The following PAX5 variants were observed in gnomAD, a reference collection of about 807,000 sequenced individuals.
The protein encoded by PAX5 is paired box protein Pax-5.
In PAX5, 9 loss-of-function variants were observed where a neutral mutation model predicts 43.7. That is an observed-to-expected ratio of 0.21 (90% CI 0.12 to 0.36). The LOEUF (loss-of-function observed/expected upper bound fraction) is 0.36. Ranked by LOEUF, PAX5 falls within the 10% of genes least tolerant of loss-of-function variation. PAX5 has a pLI of 1.00. For missense variants in PAX5, 383 were observed against 532.7 expected (o/e 0.72, Z 2.77); for synonymous variants, 228 against 214.3 (o/e 1.06, Z -0.56).
chr9:36,889,756 T>C (rs1018217686), intron 7 of PAX5, among the ~76,000 whole-genome samples: 1 of 152,360 alleles, frequency 6.6e-6, no homozygotes, highest in South Asian at 2.1e-4. Context: ...AAATTAATCA[T>C]ATGACATTGG....
Position 36,864,836 on chromosome 9 carries a change from G to A in PAX5, c.1012+17168C>T, listed in dbSNP as rs146287141. The stretch of plus-strand genomic sequence containing the variant: ...GAGTGAGGAGGGTGGGCCGGCGCCG[G>A]AGCCGGGCTGTCAGGGCCTTCACAG... On this transcript the variant is annotated intron_variant, in intron 8 of 9. Coordinates refer to ENST00000358127, the MANE Select transcript of PAX5 (RefSeq NM_016734.3). Among the ~76,000 whole-genome samples, 361 of 152,314 alleles carry A rather than the reference G, an allele frequency of 2.4e-3. 1 individual carries two copies. Among genetic ancestry groups the A allele is most frequent in the Non-Finnish European group, 4.3e-3 (290 of 68,024 alleles).
chr9:36,858,548 C>A (rs1265885079), intron 8 of PAX5, among the ~76,000 whole-genome samples: 1 of 152,156 alleles, frequency 6.6e-6, no homozygotes, highest in Non-Finnish European at 1.5e-5. Context: ...ATTATGAATC[C>A]AATCCCATAC....
chr9:36,864,090 C>T (rs1824547735), intron 8 of PAX5, among the ~76,000 whole-genome samples: 1 of 152,222 alleles, frequency 6.6e-6, no homozygotes, highest in South Asian at 2.1e-4. Flanking sequence ...GCCTGGGCAT[C>T]AGAGCGAGAC....
At chr9:36,997,000 G>A (rs1289480355) in intron 5 of PAX5, among the ~76,000 whole-genome samples, 1 of 152,118 alleles carries the variant, frequency 6.6e-6, no homozygotes, top group Non-Finnish European at 1.5e-5. Context: ...TCAATAAACA[G>A]GAAATAAAGC....
At chr9:36,879,778 G>T (rs538177917) in intron 8 of PAX5, among the ~76,000 whole-genome samples, 1 of 152,210 alleles carries the variant, frequency 6.6e-6, no homozygotes, top group East Asian at 1.9e-4. Flanking sequence ...TAAATGCGAC[G>T]GGCCATCCAT....
intron 5 of PAX5, among the ~76,000 whole-genome samples, chr9:36,973,957 G>C (rs1196097623): frequency 6.6e-6 from 1 of 152,274 alleles, no homozygotes; most frequent in Non-Finnish European, 1.5e-5. Context: ...CCAAGATCAT[G>C]CCATTGCACT....
chr9:36,954,720 A>G (rs1833309097), intron 6 of PAX5, among the ~76,000 whole-genome samples: 1 of 152,124 alleles, frequency 6.6e-6, no homozygotes, highest in African/African-American at 2.4e-5. Flanking sequence ...GGGATTTAGT[A>G]TGCTTCTTCA....
At chr9:36,963,065 T>C (rs1467045572) in intron 6 of PAX5, among the ~76,000 whole-genome samples, 2 of 152,178 alleles carry the variant, frequency 1.3e-5, no homozygotes, top group Non-Finnish European at 2.9e-5. Context: ...GGCACGAGGG[T>C]ATGTCATTCA....
intron 8 of PAX5, among the ~76,000 whole-genome samples, chr9:36,871,638 A>G (rs1239156777): frequency 6.6e-6 from 1 of 152,242 alleles, no homozygotes; most frequent in Non-Finnish European, 1.5e-5. Context: ...GTAGAAGGAC[A>G]TCAGGAAGAA....
At chr9:36,852,484 C>T (rs960910944) in intron 8 of PAX5, among the ~76,000 whole-genome samples, 3 of 152,146 alleles carry the variant, frequency 2.0e-5, no homozygotes, top group Non-Finnish European at 4.4e-5. Flanking sequence ...TGGAAGGTAG[C>T]CTTCGGAGGA....
chr9:37,004,024 T>A (rs991412440), intron 4 of PAX5, among the ~76,000 whole-genome samples: 2 of 152,236 alleles, frequency 1.3e-5, no homozygotes, highest in African/African-American at 4.8e-5. Context: ...TCCCCATTTA[T>A]CAAATAAGGA....
intron 8 of PAX5, among the ~76,000 whole-genome samples, chr9:36,854,664 A>C (rs1404938216): frequency 6.6e-6 from 1 of 152,002 alleles, no homozygotes; most frequent in East Asian, 1.9e-4. Context: ...TCCTCTCTCC[A>C]CAGCAAGACC....
At position 36,964,970 on chromosome 9, in the gene PAX5, C is replaced by T. The variant is rs374785133; in HGVS notation, c.780+1579G>A. Among the ~76,000 whole-genome samples, 12 of 152,302 alleles carry T rather than the reference C, an allele frequency of 7.9e-5. No homozygotes were observed. In the East Asian group the frequency reaches 1.7e-3, roughly 22 times the overall value. Reference sequence around the variant, plus strand: ...CATCCCTGAGCCACAACCACACCGGCTCTCTCCATTCCTCGTTCCTGCCGC... The same window carrying T: ...CATCCCTGAGCCACAACCACACCGGTTCTCTCCATTCCTCGTTCCTGCCGC... On this transcript the variant is annotated intron_variant, in intron 6 of 9. Transcript: ENST00000358127.
intron 5 of PAX5, among the ~76,000 whole-genome samples, chr9:36,973,277 C>T (rs1024436922): frequency 2.6e-5 from 4 of 152,162 alleles, no homozygotes; most frequent in African/African-American, 4.8e-5. Flanking sequence ...GTCTCTAGAT[C>T]GGCCCAGTTT....
intron 7 of PAX5, among the ~76,000 whole-genome samples, chr9:36,918,117 G>A (rs1829863835): frequency 6.6e-6 from 1 of 152,074 alleles, no homozygotes; most frequent in South Asian, 2.1e-4. Flanking sequence ...CCCTACAATG[G>A]CCTCTATGTG....
At chr9:36,921,022 G>A (rs898041727) in intron 7 of PAX5, among the ~76,000 whole-genome samples, 7 of 151,824 alleles carry the variant, frequency 4.6e-5, no homozygotes, top group East Asian at 1.9e-4. Flanking sequence ...CATGTTGGCC[G>A]GGCTGGTCTA....
chr9:36,852,609 C>T (rs1044792907), intron 8 of PAX5, among the ~76,000 whole-genome samples: 3 of 152,224 alleles, frequency 2.0e-5, no homozygotes, highest in East Asian at 1.9e-4. Flanking sequence ...CAGAGGAGCC[C>T]GGGCTGGGGC....
intron 4 of PAX5, among the ~76,000 whole-genome samples, chr9:37,005,585 A>ACT (rs1355903195): frequency 1.3e-5 from 2 of 152,126 alleles, no homozygotes; most frequent in Non-Finnish European, 2.9e-5. Flanking sequence ...GGAGGCCAGG[A>ACT]CTCTGCCCAT....
intron 9 of PAX5, among the ~76,000 whole-genome samples, chr9:36,844,734 G>A (rs1822399590): frequency 6.6e-6 from 1 of 152,032 alleles, no homozygotes; most frequent in Non-Finnish European, 1.5e-5. Flanking sequence ...ACTCCAGCTT[G>A]AGTAGCAAAA....
Sources: gnomAD v4.1 joint callset for allele counts (sites outside exome capture counted in the v4.1 genomes callset) on GRCh38, gnomAD v4.1.1 for gene constraint, MANE v1.5 for transcripts, NCBI Gene and HGNC (gene_info 2026-07-23, HGNC 2026-07-21) for gene names.